FER: variants seen among roughly 807,000 people sequenced by gnomAD.
The protein encoded by FER is FER tyrosine kinase, also known as tyrosine-protein kinase Fer.
In FER, 63 loss-of-function variants were observed where a neutral mutation model predicts 111.0. The observed-to-expected ratio is 0.57, with a 90% confidence interval of 0.46 to 0.70. The LOEUF is 0.70. Ranked by LOEUF, FER falls within the 30% of genes least tolerant of loss-of-function variation. The probability of loss-of-function intolerance (pLI) is 0.00; values close to 1 mark genes in which losing one functional copy is unlikely to be tolerated. For synonymous variants in FER, 327 were observed against 313.9 expected, an observed-to-expected ratio of 1.04 and a Z score of -0.44; for missense variants, 914 against 954.0, an observed-to-expected ratio of 0.96 and a Z score of 0.55.
intron 3 of FER, among the ~76,000 whole-genome samples, chr5:108,821,308 A>T (rs936503829): frequency 6.6e-6 from 1 of 152,178 alleles, no homozygotes; most frequent in African/African-American, 2.4e-5. Flanking sequence ...ATAAATCTGG[A>T]CACCAAGACA....
intron 9 of FER, among the ~76,000 whole-genome samples, chr5:108,896,374 A>G (rs1277507990): frequency 2.6e-5 from 4 of 152,190 alleles, no homozygotes; most frequent in African/African-American, 9.6e-5. Flanking sequence ...TAATAAATAA[A>G]CCAGCATGAA....
intron 3 of FER, among the ~76,000 whole-genome samples, chr5:108,830,262 T>C (rs182904688): frequency 4.1e-4 from 63 of 152,260 alleles, no homozygotes; most frequent in African/African-American, 1.5e-3. Context: ...CAGACCAGCC[T>C]GGGCAAAATG....
chr5:109,132,406 A>G (rs934397493), intron 17 of FER, among the ~76,000 whole-genome samples: 6 of 152,198 alleles, frequency 3.9e-5, no homozygotes, highest in Admixed American at 3.9e-4. Flanking sequence ...CTTGGGATGC[A>G]TCAGTGAACA....
In FER at chr5:108,934,099, C is replaced by T. The variant is rs527515431; in HGVS notation, c.1237-12031C>T. Among the ~76,000 whole-genome samples, 3 of 152,202 alleles carry T rather than the reference C, an allele frequency of 2.0e-5. No homozygotes were observed. In the South Asian group the frequency reaches 6.2e-4, roughly 32 times the overall value. On this transcript the variant is annotated intron_variant, in intron 10 of 19. Transcript: ENST00000281092. ...ATTGCCCTGGCGAGAACTTTCAATA[C>T]TGTGTTGAATAGGAGTGGTGAGACA...
chr5:108,864,824 T>G (rs1763871107), intron 5 of FER, among the ~76,000 whole-genome samples: 1 of 152,196 alleles, frequency 6.6e-6, no homozygotes, highest in African/African-American at 2.4e-5. Context: ...TGGCTTAGGG[T>G]TGACTTGGCA....
At chr5:108,861,180 G>C (rs1763481157) in intron 5 of FER, among the ~76,000 whole-genome samples, 1 of 152,126 alleles carries the variant, frequency 6.6e-6, no homozygotes, top group East Asian at 1.9e-4. Context: ...CTACTTGTAG[G>C]CACTTTATTT....
chr5:108,802,656 C>T (rs1474412796), intron 3 of FER, among the ~76,000 whole-genome samples: 1 of 152,050 alleles, frequency 6.6e-6, no homozygotes, highest in Non-Finnish European at 1.5e-5. Flanking sequence ...TAATGGCCTC[C>T]AGCTGCATAC....
At chr5:108,954,658 G>A (rs548715576) in intron 11 of FER, 71 bp from the exon 12 acceptor site, 1 of 1,163,892 alleles carries the variant, frequency 8.6e-7, no homozygotes, top group South Asian at 1.8e-5. Flanking sequence ...CTTTATAGTT[G>A]CTATGAATTT....
At chr5:109,111,729 GGAGA>G (rs1749643489) in intron 17 of FER, among the ~76,000 whole-genome samples, 1 of 151,964 alleles carries the variant, frequency 6.6e-6, no homozygotes, top group Non-Finnish European at 1.5e-5. Context: ...CATAGCAGCA[GGAGA>G]GAGAGAGACT....
intron 13 of FER, among the ~76,000 whole-genome samples, chr5:109,012,320 A>G (rs1015213766): frequency 5.3e-5 from 8 of 152,188 alleles, no homozygotes; most frequent in African/African-American, 1.9e-4. Flanking sequence ...GCTGTTGTGG[A>G]GAATTGGTGA....
chr5:109,047,559 G>A (rs914308642), intron 16 of FER, among the ~76,000 whole-genome samples: 3 of 152,042 alleles, frequency 2.0e-5, no homozygotes, highest in Non-Finnish European at 4.4e-5. Context: ...CATTTTCCAA[G>A]TACATCTCCA....
intron 10 of FER, among the ~76,000 whole-genome samples, chr5:108,922,459 T>G (rs1412748664): frequency 6.6e-6 from 1 of 152,184 alleles, no homozygotes; most frequent in Non-Finnish European, 1.5e-5. Flanking sequence ...CTCTCTGTGC[T>G]AGAACAAGTA....
At chr5:108,878,197 A>T (rs1268950626) in intron 8 of FER, among the ~76,000 whole-genome samples, 1 of 152,156 alleles carries the variant, frequency 6.6e-6, no homozygotes, top group African/African-American at 2.4e-5. Context: ...GGGAGCCAAC[A>T]TGCTGGGCTT....
At chr5:108,928,113 A>G (rs1447323322) in intron 10 of FER, among the ~76,000 whole-genome samples, 2 of 152,216 alleles carry the variant, frequency 1.3e-5, no homozygotes, top group African/African-American at 2.4e-5. Flanking sequence ...CAGTACCGCT[A>G]GTTTGATTGC....
At chr5:108,922,412 G>A (rs1183771375) in intron 10 of FER, among the ~76,000 whole-genome samples, 1 of 152,146 alleles carries the variant, frequency 6.6e-6, no homozygotes, top group Non-Finnish European at 1.5e-5. Flanking sequence ...AAACCAGTGA[G>A]TACAGATGAT....
At chr5:109,144,089 A>G (rs1275639668) in intron 17 of FER, among the ~76,000 whole-genome samples, 12 of 152,072 alleles carry the variant, frequency 7.9e-5, no homozygotes, top group Non-Finnish European at 1.6e-4. Flanking sequence ...CCACAAAAGC[A>G]TGATTTGGAA....
At chr5:109,146,191 T>G (rs1754089181) in intron 17 of FER, among the ~76,000 whole-genome samples, 1 of 125,214 alleles carries the variant, frequency 8.0e-6, no homozygotes, top group East Asian at 2.1e-4. Flanking sequence ...AAAATACATA[T>G]ATATATAATC....
chr5:108,903,742 C>A (rs1472619849), intron 10 of FER, among the ~76,000 whole-genome samples: 1 of 152,126 alleles, frequency 6.6e-6, no homozygotes, highest in African/African-American at 2.4e-5. Flanking sequence ...AATTGATATT[C>A]ACTGAGTTCT....
intron 6 of FER, 65 bp from the exon 7 acceptor site, chr5:108,871,299 CT>C: frequency 1.5e-6 from 2 of 1,334,658 alleles, no homozygotes; most frequent in Admixed American, 2.0e-5. Context: ...GTTCTGAATC[CT>C]TTTTGAGATA....
Sources: gnomAD v4.1 joint callset for allele counts (sites outside exome capture counted in the v4.1 genomes callset) on GRCh38, gnomAD v4.1.1 for gene constraint, MANE v1.5 for transcripts, NCBI Gene and HGNC (gene_info 2026-07-23, HGNC 2026-07-21) for gene names.